WDR72: variants seen among roughly 807,000 people sequenced by gnomAD.
The protein encoded by WDR72 is WD repeat domain 72, also known as WD repeat-containing protein 72.
WDR72 carries 120 observed loss-of-function variants against 124.2 expected under a neutral mutation model. The observed-to-expected ratio is 0.97, with a 90% confidence interval of 0.83 to 1.12. WDR72 has a LOEUF of 1.12. WDR72 is among the 50% of genes most tolerant of loss of function. The pLI, the probability that WDR72 is intolerant of heterozygous loss-of-function variation, is 0.00. For synonymous variants in WDR72, 452 were observed against 441.7 expected, an observed-to-expected ratio of 1.02 and a Z score of -0.29; for missense variants, 1,387 against 1,278.8, an observed-to-expected ratio of 1.08 and a Z score of -1.29.
At chr15:53,735,303 T>G (rs1369086524) in intron 1 of WDR72, among the ~76,000 whole-genome samples, 3 of 151,820 alleles carry the variant, frequency 2.0e-5, no homozygotes, top group African/African-American at 7.3e-5. Flanking sequence ...AAAAAGACCA[T>G]GACAAGTATT....
chr15:53,525,577 C>T, intron 18 of WDR72, among the ~76,000 whole-genome samples: 1 of 152,054 alleles, frequency 6.6e-6, no homozygotes, highest in Non-Finnish European at 1.5e-5. Flanking sequence ...AAGTACATGT[C>T]TGCAACCATT....
chr15:53,543,725 A>C (rs1475411308), intron 18 of WDR72, among the ~76,000 whole-genome samples: 2 of 152,122 alleles, frequency 1.3e-5, no homozygotes, highest in East Asian at 1.9e-4. Context: ...TGAAAAGATC[A>C]ACAAAATTGA....
chr15:53,716,348 T>TA (rs2017706838), intron 4 of WDR72, among the ~76,000 whole-genome samples: 1 of 152,172 alleles, frequency 6.6e-6, no homozygotes, highest in South Asian at 2.1e-4. Flanking sequence ...ACTAAGGCAA[T>TA]ATATGGAAAT....
intron 18 of WDR72, among the ~76,000 whole-genome samples, chr15:53,532,703 G>C (rs1892550051): frequency 6.6e-6 from 1 of 151,902 alleles, no homozygotes. Flanking sequence ...AAGATAGAAG[G>C]AATAAGATCT....
chr15:53,668,944 GAGC>G (rs1408273803), intron 13 of WDR72, among the ~76,000 whole-genome samples: 11 of 34,348 alleles, frequency 3.2e-4, no homozygotes, highest in Non-Finnish European at 6.9e-4. Context: ...GGAGGAGGAG[GAGC>G]AGGAGGAGGA....
At position 53,526,314 on chromosome 15, in the gene WDR72, TTGAATTAG is replaced by T. The variant is rs1246929201; in HGVS notation, c.3149-3000_3149-2993del. On this transcript the variant is annotated intron_variant, in intron 18 of 19. Coordinates refer to ENST00000360509, the MANE Select transcript of WDR72 (RefSeq NM_182758.4). Reference sequence around the variant, plus strand: ...CAATAGAGTAGTCTGAAGGTAAAATTTGAATTAGACATCCTTGAGTAGGAATGTGGAAA... The same window carrying T: ...CAATAGAGTAGTCTGAAGGTAAAATTACATCCTTGAGTAGGAATGTGGAAA... Among the ~76,000 whole-genome samples the T allele has an allele frequency of 3.9e-4, 60 of 152,108 alleles. 7 individuals are homozygous for T. The East Asian group carries it at 6.0e-3, about 15-fold the overall frequency.
intron 13 of WDR72, among the ~76,000 whole-genome samples, chr15:53,697,274 C>A (rs1365838748): frequency 6.6e-6 from 1 of 152,154 alleles, no homozygotes; most frequent in Non-Finnish European, 1.5e-5. Context: ...CCTTTCCTAC[C>A]CTTCTGTGTC....
intron 14 of WDR72, among the ~76,000 whole-genome samples, chr15:53,641,785 T>C (rs1453388688): frequency 6.6e-6 from 1 of 151,922 alleles, no homozygotes; most frequent in Non-Finnish European, 1.5e-5. Context: ...TGTTTTTTTA[T>C]ATAAGCACTT....
In WDR72 at chr15:53,715,193, C is replaced by T. The variant is rs145908725; in HGVS notation, c.514G>A (p.Glu172Lys). 1.9e-6 allele frequency: 3 copies of T among 1,613,784 alleles called. No homozygotes were observed. The African/African-American group carries it at 4.0e-5, about 22-fold the overall frequency. ...MCIVHSMRIQ[E>K]DSLLVVSVAG... ...CTGTCAGATAATATCCAACTATTAC[C>T]TTGAATTCTCATGGAGTGAACAATG... Residue 172 changes from glutamate to lysine, a missense_variant and splice_region_variant, in exon 5 of 20, where the codon GAA (glutamate) becomes AAA (lysine). Glu to Lys is a moderately conservative substitution (Grantham distance 56). Coordinates refer to ENST00000360509, the MANE Select transcript of WDR72 (RefSeq NM_182758.4).
chr15:53,741,609 A>G (rs1425536937), intron 1 of WDR72, among the ~76,000 whole-genome samples: 1 of 152,190 alleles, frequency 6.6e-6, no homozygotes, highest in Non-Finnish European at 1.5e-5. Context: ...TTATGCTATC[A>G]TTATATTACC....
chr15:53,531,004 G>A (rs950825196), intron 18 of WDR72, among the ~76,000 whole-genome samples: 3 of 152,004 alleles, frequency 2.0e-5, no homozygotes, highest in Non-Finnish European at 4.4e-5. Context: ...TGTCTCAGAT[G>A]GTTAGTCAAG....
chr15:53,636,083 TG>T (rs2014612500), intron 14 of WDR72, among the ~76,000 whole-genome samples: 1 of 152,214 alleles, frequency 6.6e-6, no homozygotes, highest in Non-Finnish European at 1.5e-5. Flanking sequence ...TGATGCTGCT[TG>T]GTTTTATGCT....
Position 53,716,543 on chromosome 15 carries a change from T to C in WDR72, c.339+64A>G, listed in dbSNP as rs1567045688. 3 of 1,089,530 alleles carry C rather than the reference T, an allele frequency of 2.8e-6. No individual in the cohort carries two copies. The East Asian group carries it at 7.1e-5, about 26-fold the overall frequency. The allele number at this position is 1,089,530 out of a possible 1,614,324, so 67.5% of individuals were successfully genotyped here. Reference sequence around the variant, plus strand: ...CCAAAGATGTTTCTTTAGAAGTGTATTTGCAAATGCCCTAAACAAGTTGCA... The same window carrying C: ...CCAAAGATGTTTCTTTAGAAGTGTACTTGCAAATGCCCTAAACAAGTTGCA... On this transcript the variant is annotated intron_variant, in intron 4 of 19. Transcript: ENST00000360509.
chr15:53,745,949 C>T (rs574209207), intron 1 of WDR72, among the ~76,000 whole-genome samples: 9 of 152,052 alleles, frequency 5.9e-5, no homozygotes, highest in Non-Finnish European at 1.5e-5. Flanking sequence ...TCTTGCCCAT[C>T]GGAAATTCTT....
At chr15:53,730,774 T>C (rs186027263) in intron 2 of WDR72, among the ~76,000 whole-genome samples, 2 of 152,250 alleles carry the variant, frequency 1.3e-5, no homozygotes, top group East Asian at 3.9e-4. Context: ...AAATTATTCC[T>C]TTATATACAC....
intron 18 of WDR72, among the ~76,000 whole-genome samples, chr15:53,584,762 C>T (rs1003139375): frequency 6.6e-6 from 1 of 151,964 alleles, no homozygotes; most frequent in Non-Finnish European, 1.5e-5. Context: ...TTCCCATGTC[C>T]TGCCCACACC....
At chr15:53,561,676 T>C (rs1406888889) in intron 18 of WDR72, among the ~76,000 whole-genome samples, 1 of 151,838 alleles carries the variant, frequency 6.6e-6, no homozygotes, top group African/African-American at 2.4e-5. Flanking sequence ...GTGATTCATA[T>C]GCCTACTCAA....
rs34023014 is a variant in WDR72 at position 53,515,086 on chromosome 15, T to TGTATACAC, written c.*2612_*2613insGTGTATAC. 4,946 of 85,550 alleles carry TGTATACAC rather than the reference T, an allele frequency of 0.058. 588 individuals are homozygous for TGTATACAC. The highest frequency in any genetic ancestry group is 0.16 in the East Asian group (427 of 2,704). The allele number at this position is 85,550 out of a possible 1,614,324, so 5.3% of individuals were successfully genotyped here. ...ATATACACACATATATATGTATGTA[T>TGTATACAC]ACACACACACACACACACACAAATA... On this transcript the variant is annotated 3_prime_UTR_variant, in exon 20 of 20. Transcript: ENST00000360509.
In WDR72 at chr15:53,541,281, C is replaced by T. The variant is rs570240322; in HGVS notation, c.3149-17959G>A. ...GAAGAGAGCAGTGGTTCTCCCAGTA[C>T]GCAGCTGGAGATCTGAGAACGGGCA... On this transcript the variant is annotated intron_variant, in intron 18 of 19. Transcript: ENST00000360509. Among the ~76,000 whole-genome samples, 21 of 152,306 alleles carry T rather than the reference C, an allele frequency of 1.4e-4. No individual in the cohort carries two copies. The South Asian group carries it at 2.3e-3, about 17-fold the overall frequency.
Sources: allele counts gnomAD v4.1 joint callset (sites outside exome capture counted in the v4.1 genomes callset), GRCh38; gene constraint gnomAD v4.1.1; transcripts MANE v1.5; gene names NCBI Gene and HGNC (gene_info 2026-07-23, HGNC 2026-07-21).